The following MACROD2 variants were observed in gnomAD, a reference collection of about 807,000 sequenced individuals.
MACROD2 encodes mono-ADP ribosylhydrolase 2.
MACROD2 carries 36 observed loss-of-function variants against 70.4 expected under a neutral mutation model. The observed-to-expected ratio is 0.51, with a 90% CI of 0.39 to 0.68. The LOEUF (loss-of-function observed/expected upper bound fraction) is 0.68, where lower values mean the gene tolerates loss of function less well. MACROD2 is among the 30% of genes least tolerant of loss of function. MACROD2 has a pLI of 0.00. For synonymous variants in MACROD2, 172 were observed against 178.8 expected (o/e 0.96, Z 0.30); for missense variants, 496 against 538.4 (o/e 0.92, Z 0.78).
At chr20:13,999,397 A>G (rs2052703643) in intron 1 of MACROD2, among the ~76,000 whole-genome samples, 1 of 152,268 alleles carries the variant, frequency 6.6e-6, no homozygotes. Context: ...CAGTAGTAAC[A>G]GTCATGATAG....
chr20:15,109,779 C>T (rs1449010359), intron 5 of MACROD2, among the ~76,000 whole-genome samples: 2 of 152,108 alleles, frequency 1.3e-5, no homozygotes, highest in South Asian at 2.1e-4. Context: ...GGGGAAAAAT[C>T]GGCATACTCA....
intron 3 of MACROD2, among the ~76,000 whole-genome samples, chr20:14,310,984 A>G (rs1176389670): frequency 6.6e-6 from 1 of 152,218 alleles, no homozygotes; most frequent in Non-Finnish European, 1.5e-5. Context: ...CAAAATGTTG[A>G]AAAAATTTAA....
At chr20:14,154,422 T>A (rs1380623759) in intron 3 of MACROD2, among the ~76,000 whole-genome samples, 2 of 150,572 alleles carry the variant, frequency 1.3e-5, no homozygotes, top group African/African-American at 4.9e-5. Context: ...AGTCTTGCTC[T>A]GTCACCCAGG....
At chr20:15,816,352 G>A (rs2063874934) in intron 8 of MACROD2, among the ~76,000 whole-genome samples, 1 of 151,952 alleles carries the variant, frequency 6.6e-6, no homozygotes, top group African/African-American at 2.4e-5. Flanking sequence ...CCCCCAAATT[G>A]TACTGGAATC....
At chr20:14,452,094 T>A (rs2084251654) in intron 3 of MACROD2, among the ~76,000 whole-genome samples, 1 of 152,084 alleles carries the variant, frequency 6.6e-6, no homozygotes, top group South Asian at 2.1e-4. Context: ...AGGCTTCTGA[T>A]TCTTCTATCT....
chr20:14,388,496 C>T (rs1031435238), intron 3 of MACROD2, among the ~76,000 whole-genome samples: 1 of 152,104 alleles, frequency 6.6e-6, no homozygotes, highest in African/African-American at 2.4e-5. Context: ...TTGATTAACA[C>T]ATATTTGTAT....
intron 4 of MACROD2, among the ~76,000 whole-genome samples, chr20:14,557,017 AG>A (rs777992300): frequency 6.6e-6 from 1 of 152,014 alleles, no homozygotes. Context: ...GGCTGGCCTA[AG>A]GATAAACAGA....
rs138077467 is a variant in MACROD2 at position 15,178,684 on chromosome 20, A to G, written c.419-51256A>G. Among the ~76,000 whole-genome samples the G allele has an allele frequency of 1.3e-5, 2 of 152,328 alleles. 1 individual carries two copies. The highest frequency in any genetic ancestry group is 4.8e-5 in the African/African-American group (2 of 41,572). ...GCACCTCCTCCCATCAGCATATGAT[A>G]TTCATCCACAACAGCTGAGGGGCAG... On this transcript the variant is annotated intron_variant, in intron 5 of 17. Coordinates refer to ENST00000684519, the MANE Select transcript of MACROD2 (RefSeq NM_001351661.2).
chr20:14,704,203 C>T (rs959962422), intron 5 of MACROD2, among the ~76,000 whole-genome samples: 1 of 152,150 alleles, frequency 6.6e-6, no homozygotes, highest in Non-Finnish European at 1.5e-5. Context: ...TACCTCTCCT[C>T]AGCATTGAAC....
chr20:14,607,195 T>C (rs751198557), intron 4 of MACROD2, among the ~76,000 whole-genome samples: 7 of 152,096 alleles, frequency 4.6e-5, no homozygotes, highest in East Asian at 3.9e-4. Context: ...GCAGAGTCAA[T>C]AGGGGTTCTA....
At chr20:14,862,204 TAAA>T (rs2073344557) in intron 5 of MACROD2, among the ~76,000 whole-genome samples, 1 of 13,612 alleles carries the variant, frequency 7.3e-5, no homozygotes, top group South Asian at 2.6e-3. Flanking sequence ...CATAAATATA[TAAA>T]TATATATATA....
At chr20:15,416,767 T>TGG (rs5840666) in intron 6 of MACROD2, among the ~76,000 whole-genome samples, 81 of 150,812 alleles carry the variant, frequency 5.4e-4, no homozygotes, top group African/African-American at 1.8e-3. Context: ...AGCGGGGCGG[T>TGG]GGGGGGGCGC....
chr20:15,664,457 A>G (rs2049868717), intron 8 of MACROD2, among the ~76,000 whole-genome samples: 1 of 152,218 alleles, frequency 6.6e-6, no homozygotes, highest in Non-Finnish European at 1.5e-5. Flanking sequence ...TAGTCAGTGT[A>G]TCAATCAGCT....
At chr20:15,933,487 T>C (rs560682024) in intron 11 of MACROD2, 149 bp downstream of exon 11, 2 of 619,226 alleles carry the variant, frequency 3.2e-6, no homozygotes, top group East Asian at 3.1e-5. Flanking sequence ...GAAGCCACCA[T>C]CTCCGATAAC....
intron 4 of MACROD2, among the ~76,000 whole-genome samples, chr20:14,516,583 G>A (rs1013444788): frequency 6.6e-6 from 1 of 152,046 alleles, no homozygotes; most frequent in Non-Finnish European, 1.5e-5. Flanking sequence ...TCTTGTTTTT[G>A]TCAGGTTTGT....
intron 10 of MACROD2, among the ~76,000 whole-genome samples, chr20:15,906,888 C>T (rs1290736433): frequency 1.3e-5 from 2 of 152,194 alleles, no homozygotes; most frequent in Non-Finnish European, 2.9e-5. Flanking sequence ...CCATTATTGA[C>T]AATATTCACT....
At chr20:15,412,636 G>C (rs1242586296) in intron 6 of MACROD2, among the ~76,000 whole-genome samples, 1 of 152,072 alleles carries the variant, frequency 6.6e-6, no homozygotes, top group African/African-American at 2.4e-5. Context: ...AGAGAATATG[G>C]TACCATTTAA....
At chr20:15,548,064 T>C (rs2048047799) in intron 8 of MACROD2, among the ~76,000 whole-genome samples, 1 of 152,142 alleles carries the variant, frequency 6.6e-6, no homozygotes, top group African/African-American at 2.4e-5. Context: ...TCCATTTACT[T>C]ATCCATCCCT....
intron 5 of MACROD2, among the ~76,000 whole-genome samples, chr20:14,954,866 T>C (rs1289870993): frequency 2.2e-4 from 22 of 99,526 alleles, no homozygotes; most frequent in Non-Finnish European, 3.7e-4. Context: ...TAATTAAATA[T>C]ATTATATAAT....
Sources: allele counts gnomAD v4.1 joint callset (sites outside exome capture counted in the v4.1 genomes callset), GRCh38; gene constraint gnomAD v4.1.1; transcripts MANE v1.5; gene names NCBI Gene and HGNC (gene_info 2026-07-23, HGNC 2026-07-21).